AK8: variants seen among roughly 807,000 people sequenced by gnomAD.
AK8 encodes the protein ATP-AMP transphosphorylase 8.
AK8 carries 44 observed loss-of-function variants against 54.6 expected under a neutral mutation model. The observed-to-expected ratio is 0.81, with a 90% CI of 0.63 to 1.04. The LOEUF (loss-of-function observed/expected upper bound fraction) is 1.04. Among genes scored for constraint, AK8 ranks in the 50% least tolerant of loss-of-function variants. The probability of loss-of-function intolerance (pLI) is 0.00; values close to 1 mark genes in which losing one functional copy is unlikely to be tolerated. For missense variants in AK8, 555 were observed against 613.6 expected, an observed-to-expected ratio of 0.90 and a Z score of 1.01; for synonymous variants, 239 against 245.6, an observed-to-expected ratio of 0.97 and a Z score of 0.25.
intron 5 of AK8, among the ~76,000 whole-genome samples, chr9:132,854,123 C>A (rs1219934339): frequency 6.6e-6 from 1 of 152,132 alleles, no homozygotes; most frequent in Non-Finnish European, 1.5e-5. Context: ...ATCACTTGAG[C>A]CTGGGAAGTT....
chr9:132,846,494 T>A (rs987086562), intron 5 of AK8, among the ~76,000 whole-genome samples: 4 of 150,094 alleles, frequency 2.7e-5, no homozygotes, highest in African/African-American at 9.9e-5. Context: ...ATTTGTTGCA[T>A]GAGAGAATAG....
At chr9:132,824,253 C>T (rs1356345315) in intron 8 of AK8, among the ~76,000 whole-genome samples, 1 of 152,224 alleles carries the variant, frequency 6.6e-6, no homozygotes, top group Non-Finnish European at 1.5e-5. Flanking sequence ...CGGACCTGTG[C>T]CAGCCCCCAC....
At chr9:132,838,319 G>A (rs900819638) in intron 5 of AK8, among the ~76,000 whole-genome samples, 1 of 152,174 alleles carries the variant, frequency 6.6e-6, no homozygotes, top group Non-Finnish European at 1.5e-5. Flanking sequence ...AGTGTGCTAC[G>A]TCCGCTCCCC....
chr9:132,838,883 T>C (rs1842428060), intron 5 of AK8, among the ~76,000 whole-genome samples: 1 of 152,156 alleles, frequency 6.6e-6, no homozygotes. Context: ...CAGTGTGACG[T>C]GGTGTTCGGC....
chr9:132,839,236 G>A (rs760285797), intron 5 of AK8, among the ~76,000 whole-genome samples: 3 of 152,196 alleles, frequency 2.0e-5, no homozygotes, highest in Non-Finnish European at 4.4e-5. Context: ...GAGCCACCAC[G>A]CCCAGCTGAT....
chr9:132,760,790 T>A (rs1838421800), intron 11 of AK8, among the ~76,000 whole-genome samples: 2 of 152,210 alleles, frequency 1.3e-5, no homozygotes, highest in Non-Finnish European at 2.9e-5. Flanking sequence ...GAATAGATAT[T>A]TAATTTTATC....
chr9:132,802,755 C>G (rs1369489314), intron 10 of AK8, among the ~76,000 whole-genome samples: 11 of 152,218 alleles, frequency 7.2e-5, no homozygotes, highest in Admixed American at 7.2e-4. Flanking sequence ...GCCCAGCTCT[C>G]TTAGGCAGTT....
intron 11 of AK8, among the ~76,000 whole-genome samples, chr9:132,751,629 C>T (rs1340612590): frequency 6.6e-6 from 1 of 151,372 alleles, no homozygotes; most frequent in Non-Finnish European, 1.5e-5. Flanking sequence ...ATCCTGGTGG[C>T]ATCTCCCCCA....
At chr9:132,817,686 T>C (rs879334685) in intron 9 of AK8, among the ~76,000 whole-genome samples, 6 of 151,812 alleles carry the variant, frequency 4.0e-5, no homozygotes, top group Admixed American at 2.6e-4. Flanking sequence ...AAGAGGGGGA[T>C]GGGAAAGGAC....
chr9:132,786,903 T>TA lies in AK8; in HGVS notation c.1121+5730dup, dbSNP rs370440508. ...ATATGTCATTAACATTTTCAAGAGA[T>TA]AAAAAAACCATGAAATAAGATCAAG... On this transcript the variant is annotated intron_variant, in intron 11 of 12. Coordinates refer to ENST00000298545, the MANE Select transcript of AK8 (RefSeq NM_152572.3). Among the ~76,000 whole-genome samples, 568 of 151,884 alleles carry TA rather than the reference T, an allele frequency of 3.7e-3. 5 individuals carry two copies. The highest frequency in any genetic ancestry group is 0.013 in the African/African-American group (537 of 41,454).
chr9:132,819,988 C>A (rs535266325), intron 9 of AK8, among the ~76,000 whole-genome samples: 20 of 151,506 alleles, frequency 1.3e-4, no homozygotes, highest in Non-Finnish European at 2.9e-4. Flanking sequence ...GAGAGATTCC[C>A]GTCTTTACAA....
chr9:132,798,585 G>A (rs1169014282), intron 10 of AK8, among the ~76,000 whole-genome samples: 1 of 152,100 alleles, frequency 6.6e-6, no homozygotes, highest in Non-Finnish European at 1.5e-5. Context: ...CAAAGCTACC[G>A]CCAAGGGTTA....
intron 1 of AK8, among the ~76,000 whole-genome samples, chr9:132,877,149 C>A (rs1432940697): frequency 6.6e-6 from 1 of 152,182 alleles, no homozygotes; most frequent in African/African-American, 2.4e-5. Context: ...GACAACAGGG[C>A]TCCAGATGAT....
chr9:132,792,470 T>C (rs1035314195), intron 11 of AK8, among the ~76,000 whole-genome samples, 164 bp downstream of exon 11: 2 of 152,206 alleles, frequency 1.3e-5, no homozygotes, highest in African/African-American at 4.8e-5. Flanking sequence ...GCCTGACTCC[T>C]AGTCCACCGG....
chr9:132,829,818 G>GT (rs1274329540), intron 5 of AK8, among the ~76,000 whole-genome samples: 1 of 152,146 alleles, frequency 6.6e-6, no homozygotes, highest in Non-Finnish European at 1.5e-5. Flanking sequence ...AGCCTCCCTA[G>GT]TGCTGGGATT....
At chr9:132,755,957 G>A (rs1790814692) in intron 11 of AK8, among the ~76,000 whole-genome samples, 1 of 152,082 alleles carries the variant, frequency 6.6e-6, no homozygotes, top group Admixed American at 6.5e-5. Flanking sequence ...AGTAGAGACG[G>A]GGTTTCACCA....
At chr9:132,866,630 A>T (rs1843608238) in intron 3 of AK8, among the ~76,000 whole-genome samples, 1 of 152,140 alleles carries the variant, frequency 6.6e-6, no homozygotes, top group Admixed American at 6.5e-5. Context: ...GAGCAAGGAG[A>T]GCGTGTATGC....
At chr9:132,809,174 T>C (rs1278223944) in intron 10 of AK8, among the ~76,000 whole-genome samples, 1 of 152,158 alleles carries the variant, frequency 6.6e-6, no homozygotes, top group Non-Finnish European at 1.5e-5. Flanking sequence ...AGGACAGAGA[T>C]ATCTGAAACA....
At position 132,864,802 on chromosome 9, in the gene AK8, A is replaced by T. The variant is rs79880952; in HGVS notation, c.220-1024T>A. Among the ~76,000 whole-genome samples, 870 of 152,342 alleles carry T rather than the reference A, an allele frequency of 5.7e-3. 13 individuals are homozygous for T. Among genetic ancestry groups the T allele is most frequent in the African/African-American group, 0.019 (798 of 41,582 alleles). On this transcript the variant is annotated intron_variant, in intron 3 of 12. Transcript: ENST00000298545. ...GTTCTGAATCTGCTCTGCCCAGCAG[A>T]TTCCTACCAGTGACCAGAGAAGAGC...
Sources: allele counts gnomAD v4.1 joint callset (sites outside exome capture counted in the v4.1 genomes callset), GRCh38; gene constraint gnomAD v4.1.1; transcripts MANE v1.5; gene names NCBI Gene and HGNC (gene_info 2026-07-23, HGNC 2026-07-21).